The following DLGAP2 variants were observed in gnomAD, a reference collection of about 807,000 sequenced individuals.
DLGAP2 encodes the protein disks large-associated protein 2.
In DLGAP2, 26 loss-of-function variants were observed where a neutral mutation model predicts 100.3. The observed-to-expected ratio is 0.26, with a 90% CI of 0.19 to 0.36. DLGAP2 has a LOEUF of 0.36. Among genes scored for constraint, DLGAP2 ranks in the 10% least tolerant of loss-of-function variants. The probability of loss-of-function intolerance (pLI) is 1.00; values close to 1 mark genes in which losing one functional copy is unlikely to be tolerated. For missense variants in DLGAP2, 1,858 were observed against 1,453.2 expected (o/e 1.28, Z -4.53); for synonymous variants, 886 against 630.1 (o/e 1.41, Z -6.08).
intron 2 of DLGAP2, among the ~76,000 whole-genome samples, chr8:1,090,870 T>G (rs1188201367): frequency 1.3e-5 from 2 of 152,250 alleles, no homozygotes; most frequent in Admixed American, 1.3e-4. Flanking sequence ...TAGACTCACA[T>G]GAAAATCATT....
At chr8:822,576 G>A (rs1315899691) in intron 1 of DLGAP2, among the ~76,000 whole-genome samples, 1 of 152,250 alleles carries the variant, frequency 6.6e-6, no homozygotes, top group Non-Finnish European at 1.5e-5. Context: ...GTCACTGCGT[G>A]TGCTCCGAAT....
intron 2 of DLGAP2, among the ~76,000 whole-genome samples, chr8:1,093,934 T>C (rs1214258223): frequency 2.0e-5 from 3 of 151,160 alleles, no homozygotes; most frequent in Non-Finnish European, 4.4e-5. Context: ...AGTCCATGCC[T>C]CTCTGTGTGC....
chr8:917,566 G>C (rs748029333), intron 2 of DLGAP2, among the ~76,000 whole-genome samples: 3 of 151,670 alleles, frequency 2.0e-5, no homozygotes, highest in African/African-American at 4.8e-5. Flanking sequence ...GTTGTTACTG[G>C]ACAGCGTCTC....
At chr8:1,617,749 C>T (rs549495293) in intron 6 of DLGAP2, among the ~76,000 whole-genome samples, 1 of 152,282 alleles carries the variant, frequency 6.6e-6, no homozygotes, top group South Asian at 2.1e-4. Flanking sequence ...ATGGACAGCG[C>T]ACCTCTAGAG....
chr8:1,288,804 A>G (rs1004589703), intron 3 of DLGAP2, among the ~76,000 whole-genome samples: 2 of 151,164 alleles, frequency 1.3e-5, no homozygotes, highest in Non-Finnish European at 2.9e-5. Flanking sequence ...TAGGAGGGGA[A>G]CTAGTTTCGG....
intron 12 of DLGAP2, among the ~76,000 whole-genome samples, chr8:1,679,979 C>CAAAA (rs760100523): frequency 0.013 from 816 of 63,120 alleles, 35 homozygotes; most frequent in Non-Finnish European, 0.014. Flanking sequence ...GACTCTGTCT[C>CAAAA]AAAAAAAAAA....
At chr8:784,256 T>G (rs1039251885) in intron 1 of DLGAP2, among the ~76,000 whole-genome samples, 2 of 152,222 alleles carry the variant, frequency 1.3e-5, no homozygotes, top group Middle Eastern at 3.2e-3. Flanking sequence ...CTAACAATAG[T>G]TTAGTCAAGA....
At chr8:1,031,674 T>A (rs2129027997) in intron 2 of DLGAP2, among the ~76,000 whole-genome samples, 1 of 152,328 alleles carries the variant, frequency 6.6e-6, no homozygotes, top group South Asian at 2.1e-4. Flanking sequence ...AAATTAGATG[T>A]TCCTCTGAGA....
intron 2 of DLGAP2, among the ~76,000 whole-genome samples, chr8:1,180,185 TA>T (rs1297045378): frequency 6.6e-6 from 1 of 152,048 alleles, no homozygotes; most frequent in Non-Finnish European, 1.5e-5. Context: ...TTTTTTCTGA[TA>T]AAGCCAGATT....
chr8:1,324,590 C>G (rs1800978574), intron 3 of DLGAP2, among the ~76,000 whole-genome samples: 2 of 152,174 alleles, frequency 1.3e-5, no homozygotes, highest in South Asian at 4.2e-4. Flanking sequence ...ATAGGGTTTT[C>G]TTAAGCTGCG....
chr8:1,649,774 G>C (rs569653182), intron 8 of DLGAP2, among the ~76,000 whole-genome samples: 1 of 152,114 alleles, frequency 6.6e-6, no homozygotes, highest in Non-Finnish European at 1.5e-5. Context: ...CTTTTTAAAC[G>C]TAAGTCATGG....
At chr8:1,392,894 T>A (rs147610509) in intron 3 of DLGAP2, among the ~76,000 whole-genome samples, 7,394 of 142,556 alleles carry the variant, frequency 0.052, 465 homozygotes, top group East Asian at 0.25. Flanking sequence ...TTTCTGTTTT[T>A]TTTTTGAGAC....
At chr8:1,617,795 A>C (rs1367540629) in intron 6 of DLGAP2, among the ~76,000 whole-genome samples, 1 of 152,262 alleles carries the variant, frequency 6.6e-6, no homozygotes, top group African/African-American at 2.4e-5. Context: ...CATTACAGCC[A>C]ATACGAGCTA....
intron 3 of DLGAP2, among the ~76,000 whole-genome samples, chr8:1,270,529 A>G (rs1333295690): frequency 6.6e-6 from 1 of 152,224 alleles, no homozygotes; most frequent in Non-Finnish European, 1.5e-5. Flanking sequence ...CCCAGCGGAC[A>G]GAGTCAGGCC....
Position 879,974 on chromosome 8 carries a change from T to C in DLGAP2, c.19-27938T>C, listed in dbSNP as rs568547800. On this transcript the variant is annotated intron_variant, in intron 1 of 14. Coordinates refer to ENST00000637795, the MANE Select transcript of DLGAP2 (RefSeq NM_001346810.2). ...CCCTCGAGTCTGCAGCCTCCTTCTT[T>C]ACTCATTTGATCTCAGCAACCAGTG... Among the ~76,000 whole-genome samples the C allele has an allele frequency of 3.0e-4, 46 of 152,326 alleles. 1 individual carries two copies. The highest frequency in any genetic ancestry group is 2.9e-3 in the Admixed American group (45 of 15,298).
chr8:1,233,328 T>G (rs138432893), intron 2 of DLGAP2, among the ~76,000 whole-genome samples: 77 of 152,348 alleles, frequency 5.1e-4, no homozygotes, highest in East Asian at 3.9e-3. Context: ...TTTACAGAGA[T>G]GAGTCAGGCC....
intron 2 of DLGAP2, among the ~76,000 whole-genome samples, chr8:1,052,753 TTACACA>T (rs1802758348): frequency 6.6e-6 from 1 of 152,196 alleles, no homozygotes; most frequent in South Asian, 2.1e-4. Flanking sequence ...AGGGGCTCGG[TTACACA>T]CACTGGACTT....
chr8:1,676,517 T>C lies in DLGAP2; in HGVS notation c.2203-16T>C. 1 of 1,610,160 alleles carries C rather than the reference T, an allele frequency of 6.2e-7. No homozygotes were observed. Among genetic ancestry groups the C allele is most frequent in the Non-Finnish European group, 8.5e-7 (1 of 1,178,258 alleles). The stretch of plus-strand genomic sequence containing the variant: ...CATGTTTCAGTTCTAAAATAAGACG[T>C]TCTCTGTTGAATTAGGTGGAAACGG... On this transcript the variant is annotated splice_polypyrimidine_tract_variant and intron_variant, in intron 10 of 14. Coordinates refer to ENST00000637795, the MANE Select transcript of DLGAP2 (RefSeq NM_001346810.2).
chr8:1,644,251 CA>C (rs968576593), intron 8 of DLGAP2, among the ~76,000 whole-genome samples: 4 of 152,232 alleles, frequency 2.6e-5, no homozygotes, highest in African/African-American at 9.6e-5. Context: ...GCTAAAAAGG[CA>C]GCCTGACCCT....
Sources: allele counts gnomAD v4.1 joint callset (sites outside exome capture counted in the v4.1 genomes callset), GRCh38; gene constraint gnomAD v4.1.1; transcripts MANE v1.5; gene names NCBI Gene and HGNC (gene_info 2026-07-23, HGNC 2026-07-21).